PDE9A: variants seen among roughly 807,000 people sequenced by gnomAD.
The protein encoded by PDE9A is high affinity cGMP-specific 3',5'-cyclic phosphodiesterase 9A.
In PDE9A, 60 loss-of-function variants were observed where a neutral mutation model predicts 87.4. That is an observed-to-expected ratio of 0.69 (90% CI 0.56 to 0.85). The LOEUF is 0.85. Among genes scored for constraint, PDE9A ranks in the 40% least tolerant of loss-of-function variants. The pLI is 0.00. For missense variants in PDE9A, 665 were observed against 779.0 expected (o/e 0.85, Z 1.74); for synonymous variants, 272 against 279.4 (o/e 0.97, Z 0.27).
chr21:42,672,646 T>C (rs2058625514), intron 1 of PDE9A, among the ~76,000 whole-genome samples: 1 of 152,214 alleles, frequency 6.6e-6, no homozygotes, highest in Admixed American at 6.5e-5. Context: ...CTGCCGTGTT[T>C]AGAAAAAGAG....
chr21:42,740,723 G>GAT (rs2053122061), intron 7 of PDE9A, among the ~76,000 whole-genome samples: 1 of 140,732 alleles, frequency 7.1e-6, no homozygotes, highest in Admixed American at 7.3e-5. Context: ...TAGATAGATA[G>GAT]ATAGATAGAT....
chr21:42,718,475 T>C (rs915599185), intron 4 of PDE9A, among the ~76,000 whole-genome samples: 2 of 151,810 alleles, frequency 1.3e-5, no homozygotes, highest in Non-Finnish European at 2.9e-5. Context: ...TAATCTTTTT[T>C]TTCTTTGCCC....
intron 1 of PDE9A, among the ~76,000 whole-genome samples, chr21:42,664,150 G>T (rs956882066): frequency 1.3e-5 from 2 of 152,238 alleles, no homozygotes; most frequent in Non-Finnish European, 2.9e-5. Flanking sequence ...GAAAGCTGGG[G>T]GTTTAGTGAC....
chr21:42,762,023 C>T (rs1367407923), intron 13 of PDE9A, 60 bp from the exon 14 acceptor site: 5 of 1,534,070 alleles, frequency 3.3e-6, no homozygotes, highest in Non-Finnish European at 4.5e-6. Context: ...GTGTTGCTCC[C>T]CCGTGCAGGT....
intron 1 of PDE9A, among the ~76,000 whole-genome samples, chr21:42,661,857 C>T (rs1375626365): frequency 1.3e-5 from 2 of 152,162 alleles, no homozygotes; most frequent in African/African-American, 2.4e-5. Context: ...GCCTGTGATG[C>T]GTCGCAGCGG....
At chr21:42,754,196 AAC>A in intron 10 of PDE9A, 132 bp downstream of exon 10, 1 of 611,596 alleles carries the variant, frequency 1.6e-6, no homozygotes, top group African/African-American at 1.9e-5. Context: ...GAAAAAAAAA[AAC>A]AAAACTTGTT....
rs774141016 is a variant in PDE9A, at chr21:42,739,295, G to A, written c.569-4481G>A. Among the ~76,000 whole-genome samples the A allele has an allele frequency of 3.9e-5, 6 of 152,298 alleles. No individual in the cohort carries two copies. Among genetic ancestry groups the A allele is most frequent in the Non-Finnish European group, 7.4e-5 (5 of 67,998 alleles). ...AGACCTCTCAGGCTTGAGGCCCCCC[G>A]CCCCACAGGACTGGCCCGCTCCTCC... On this transcript the variant is annotated intron_variant, in intron 7 of 19. Transcript: ENST00000291539. The surrounding 1 kb of genome is among the most constrained non-coding windows in gnomAD (Gnocchi z 4.1).
chr21:42,672,671 CCA>C (rs1422320442), intron 1 of PDE9A, among the ~76,000 whole-genome samples: 2 of 152,242 alleles, frequency 1.3e-5, no homozygotes, highest in African/African-American at 4.8e-5. Flanking sequence ...CTGGCCTAAA[CCA>C]CAGTGAGGTC....
In PDE9A at chr21:42,739,105, C is replaced by G. The variant is rs542096676; in HGVS notation, c.569-4671C>G. Reference sequence around the variant, plus strand: ...GAATAACAGGCAGCCGTGGGCTGGGCTCCCAGCCCCCTAGCAGGGTCCAGT... The same window carrying G: ...GAATAACAGGCAGCCGTGGGCTGGGGTCCCAGCCCCCTAGCAGGGTCCAGT... On this transcript the variant is annotated intron_variant, in intron 7 of 19. Transcript: ENST00000291539. This position sits in a 1 kb window ranked among gnomAD's most constrained non-coding sequence, Gnocchi z 4.1. Among the ~76,000 whole-genome samples the G allele has an allele frequency of 6.6e-5, 10 of 152,346 alleles. No homozygotes were observed. In the East Asian group the frequency reaches 1.7e-3, roughly 26 times the overall value.
intron 7 of PDE9A, among the ~76,000 whole-genome samples, chr21:42,738,933 C>T (rs1291574990): frequency 6.6e-6 from 1 of 152,192 alleles, no homozygotes; most frequent in Non-Finnish European, 1.5e-5. Context: ...TCAGGTGATC[C>T]ACCTGCCTTG....
chr21:42,765,383 A>T lies in PDE9A; in HGVS notation c.1245A>T (p.Gly415=). Residue 415 remains glycine, a splice_region_variant and synonymous_variant, in exon 15 of 20, where the codon GGA becomes GGT. Transcript: ENST00000291539. ...PPDGFKQIRQ[G]MITLILATDM... ...CACGTTGTTCTCTCGCTATTTAGGG[A>T]ATGATCACATTAATCTTGGCCACTG... 1 of 1,576,774 alleles carries T rather than the reference A, an allele frequency of 6.3e-7. No homozygotes were observed. Among genetic ancestry groups the T allele is most frequent in the Non-Finnish European group, 8.7e-7 (1 of 1,146,380 alleles).
In PDE9A at chr21:42,653,638, C is replaced by T. The variant is rs1186322230; in HGVS notation, c.-177C>T. 194 of 156,950 alleles carry T rather than the reference C, an allele frequency of 1.2e-3. 1 individual carries two copies. The highest frequency in any genetic ancestry group is 2.2e-3 in the Non-Finnish European group (167 of 75,396). 9.7% of individuals were successfully genotyped at this position (156,950 alleles called of 1,614,324 possible). A position where few individuals can be genotyped will look rare whatever the true frequency, so the allele number is the denominator to read the frequency against. On this transcript the variant is annotated 5_prime_UTR_variant, in exon 1 of 20. Transcript: ENST00000291539. Reference sequence around the variant, plus strand: ...CGCGAGCCGAGCGGAGGAGACCCTGCGGCGCGCGGCGGCGGCTCCCGGGCG... The same window carrying T: ...CGCGAGCCGAGCGGAGGAGACCCTGTGGCGCGCGGCGGCGGCTCCCGGGCG...
At chr21:42,677,286 C>T (rs139495806) in intron 1 of PDE9A, among the ~76,000 whole-genome samples, 87 of 152,288 alleles carry the variant, frequency 5.7e-4, no homozygotes, top group African/African-American at 1.8e-3. Flanking sequence ...CCGATGTAAG[C>T]GATAACAGCA....
chr21:42,671,494 T>C (rs1301046780), intron 1 of PDE9A, among the ~76,000 whole-genome samples: 4 of 152,234 alleles, frequency 2.6e-5, no homozygotes, highest in East Asian at 1.9e-4. Context: ...TTAACTGTAA[T>C]CCATTCTGAG....
intron 1 of PDE9A, among the ~76,000 whole-genome samples, chr21:42,658,332 G>C (rs545784506): frequency 3.9e-5 from 6 of 152,310 alleles, no homozygotes; most frequent in Non-Finnish European, 5.9e-5. Context: ...CTGCTGCCTG[G>C]TTCTACTGAT....
chr21:42,655,688 G>A (rs2057008134), intron 1 of PDE9A, among the ~76,000 whole-genome samples: 1 of 152,212 alleles, frequency 6.6e-6, no homozygotes, highest in Admixed American at 6.5e-5. Context: ...AATGAGAAGG[G>A]AATGAGTGAA....
chr21:42,687,468 A>G (rs1381701450), intron 2 of PDE9A, among the ~76,000 whole-genome samples: 1 of 152,022 alleles, frequency 6.6e-6, no homozygotes, highest in Non-Finnish European at 1.5e-5. Context: ...GCCCCAAAAC[A>G]TGTGAGGTTG....
At position 42,759,726 on chromosome 21, in the gene PDE9A, G is replaced by T. The variant is rs909599390; in HGVS notation, c.898-602G>T. Reference sequence around the variant, plus strand: ...TCTGTGTGTGGGTGTGTGTGAGGGTGTGTGTGCATGTGTGTATCTGTGGAT... The same window carrying T: ...TCTGTGTGTGGGTGTGTGTGAGGGTTTGTGTGCATGTGTGTATCTGTGGAT... On this transcript the variant is annotated intron_variant, in intron 11 of 19. Coordinates refer to ENST00000291539, the MANE Select transcript of PDE9A (RefSeq NM_002606.3). This position sits in a 1 kb window ranked among gnomAD's most constrained non-coding sequence, Gnocchi z 7.2. Among the ~76,000 whole-genome samples, 8 of 150,652 alleles carry T rather than the reference G, an allele frequency of 5.3e-5. No homozygotes were observed. The highest frequency in any genetic ancestry group is 1.7e-4 in the African/African-American group (7 of 40,956).
Position 42,775,416 on chromosome 21 carries a change from G to C in PDE9A, c.*123G>C. The C allele has an allele frequency of 3.2e-6, 2 of 631,690 alleles. No individual in the cohort carries two copies. The highest frequency in any genetic ancestry group is 6.2e-5 in the South Asian group (2 of 32,444). The allele number at this position is 631,690 out of a possible 1,614,324, so 39.1% of individuals were successfully genotyped here. A position where few individuals can be genotyped will look rare whatever the true frequency, so the allele number is the denominator to read the frequency against. ...GACCATGTTTTCTAAGAACCATTTT[G>C]TTCACTGATACAAAAAAAAAAAAAG... On this transcript the variant is annotated 3_prime_UTR_variant, in exon 20 of 20. Transcript: ENST00000291539.
Sources: allele counts gnomAD v4.1 joint callset (sites outside exome capture counted in the v4.1 genomes callset), GRCh38; gene constraint gnomAD v4.1.1; non-coding constraint Gnocchi (gnomAD v3.1); transcripts MANE v1.5; gene names NCBI Gene and HGNC (gene_info 2026-07-23, HGNC 2026-07-21).